The following GRIK2 variants were observed in gnomAD, a reference collection of about 807,000 sequenced individuals.
The protein encoded by GRIK2 is glutamate receptor ionotropic, kainate 2.
Under a neutral mutation model 100.3 loss-of-function variants are expected in GRIK2, and 32 were observed. The ratio of observed to expected loss-of-function variants is 0.32; its 90% CI spans 0.24 to 0.43. The LOEUF is 0.43. Ranked by LOEUF, GRIK2 falls within the 20% of genes least tolerant of loss-of-function variation. The probability of loss-of-function intolerance (pLI) is 1.00; values close to 1 mark genes in which losing one functional copy is unlikely to be tolerated. For missense variants in GRIK2, 843 were observed against 1,114.9 expected, an observed-to-expected ratio of 0.76 and a Z score of 3.47; for synonymous variants, 417 against 389.4, an observed-to-expected ratio of 1.07 and a Z score of -0.83.
At chr6:101,844,373 ATGT>A (rs1365413635) in intron 10 of GRIK2, among the ~76,000 whole-genome samples, 4 of 152,140 alleles carry the variant, frequency 2.6e-5, no homozygotes, top group African/African-American at 4.8e-5. Context: ...AGGAAATATG[ATGT>A]TTCTCAATAT....
intron 2 of GRIK2, among the ~76,000 whole-genome samples, chr6:101,606,085 C>G (rs1779425044): frequency 6.6e-6 from 1 of 151,894 alleles, no homozygotes; most frequent in Non-Finnish European, 1.5e-5. Flanking sequence ...CAGATGAGGT[C>G]TCCAACTTTG....
intron 9 of GRIK2, among the ~76,000 whole-genome samples, chr6:101,803,191 C>G (rs144784847): frequency 6.6e-6 from 1 of 151,586 alleles, no homozygotes; most frequent in Non-Finnish European, 1.5e-5. Context: ...GATAATATTG[C>G]TTTGAAGATA....
intron 12 of GRIK2, among the ~76,000 whole-genome samples, chr6:101,900,300 A>G (rs975221262): frequency 6.6e-6 from 1 of 152,024 alleles, no homozygotes; most frequent in African/African-American, 2.4e-5. Context: ...CCCCGTCTCC[A>G]CTAAAAATAT....
chr6:101,848,195 A>G (rs1783917754), intron 10 of GRIK2, among the ~76,000 whole-genome samples: 1 of 152,080 alleles, frequency 6.6e-6, no homozygotes, highest in African/African-American at 2.4e-5. Flanking sequence ...GGGTAAATTA[A>G]TATGCCACAG....
rs757786908 is a variant in GRIK2, at chr6:101,607,858, C to T, written c.116-14091C>T. 4.0e-5 allele frequency among the ~76,000 whole-genome samples: 6 copies of T among 151,600 alleles called. No individual in the cohort carries two copies. In the Admixed American group the frequency reaches 4.0e-4, roughly 10 times the overall value. On this transcript the variant is annotated intron_variant, in intron 2 of 16. Coordinates refer to ENST00000369134, the MANE Select transcript of GRIK2 (RefSeq NM_021956.5). ...CCCAAAATGAATGATTAGTTGAAGA[C>T]CCTACCTAGGGGCAGGTCATGAACT...
intron 14 of GRIK2, among the ~76,000 whole-genome samples, chr6:102,000,471 A>C (rs1418073549): frequency 6.6e-6 from 1 of 151,886 alleles, no homozygotes; most frequent in African/African-American, 2.4e-5. Context: ...CCATATTTAC[A>C]TCCAGGGGTG....
At chr6:101,762,637 G>T (rs1777801939) in intron 7 of GRIK2, among the ~76,000 whole-genome samples, 1 of 152,156 alleles carries the variant, frequency 6.6e-6, no homozygotes, top group Admixed American at 6.6e-5. Context: ...TATTCAGGGT[G>T]ACAAGACCAA....
At chr6:101,483,661 G>A (rs1400105650) in intron 2 of GRIK2, among the ~76,000 whole-genome samples, 1 of 152,118 alleles carries the variant, frequency 6.6e-6, no homozygotes, top group Non-Finnish European at 1.5e-5. Flanking sequence ...TGCAACCTCT[G>A]CCTCCCCAGT....
intron 6 of GRIK2, among the ~76,000 whole-genome samples, chr6:101,685,853 T>G (rs4839800): frequency 0.63 from 96,402 of 151,878 alleles, 32,618 homozygotes; most frequent in Non-Finnish European, 0.77. Context: ...AGCAAAATAT[T>G]AACACATAAA....
chr6:101,766,450 C>A lies in GRIK2; in HGVS notation c.952-33198C>A, dbSNP rs192276745. ...AGTAATGTTTGATATAAATGAGCACCTGTTGAAGTTCTATAGTATTCAATT... is the reference window on the plus strand; with the variant it reads ...AGTAATGTTTGATATAAATGAGCACATGTTGAAGTTCTATAGTATTCAATT... On this transcript the variant is annotated intron_variant, in intron 7 of 16. Coordinates refer to ENST00000369134, the MANE Select transcript of GRIK2 (RefSeq NM_021956.5). 3.3e-5 allele frequency among the ~76,000 whole-genome samples: 5 copies of A among 152,192 alleles called. No individual in the cohort carries two copies. In the East Asian group the frequency reaches 9.6e-4, roughly 29 times the overall value.
chr6:101,823,990 C>T (rs983017591), intron 10 of GRIK2, among the ~76,000 whole-genome samples: 2 of 151,718 alleles, frequency 1.3e-5, no homozygotes, highest in South Asian at 2.1e-4. Flanking sequence ...GCCTCAGCCT[C>T]CTGAGTAGCT....
intron 3 of GRIK2, among the ~76,000 whole-genome samples, chr6:101,623,602 A>T (rs1356868499): frequency 2.0e-5 from 3 of 152,084 alleles, no homozygotes; most frequent in Non-Finnish European, 4.4e-5. Flanking sequence ...TGAACAGCAT[A>T]AAAAAACACA....
At chr6:101,982,306 T>A (rs1045576417) in intron 14 of GRIK2, among the ~76,000 whole-genome samples, 1 of 151,964 alleles carries the variant, frequency 6.6e-6, no homozygotes, top group African/African-American at 2.4e-5. Flanking sequence ...ATTACCTGAA[T>A]GGTCTCTTCA....
chr6:102,047,972 T>C (rs1770983741), intron 15 of GRIK2, among the ~76,000 whole-genome samples: 1 of 151,172 alleles, frequency 6.6e-6, no homozygotes, highest in Admixed American at 6.6e-5. Context: ...TGCAAATCAA[T>C]AGTAATCAAA....
chr6:101,813,349 G>A (rs1583197527), intron 9 of GRIK2, among the ~76,000 whole-genome samples: 1 of 152,014 alleles, frequency 6.6e-6, no homozygotes, highest in East Asian at 1.9e-4. Context: ...GATATAATAG[G>A]TCTTCATTTA....
At chr6:101,534,703 A>G (rs1460869681) in intron 2 of GRIK2, among the ~76,000 whole-genome samples, 2 of 152,020 alleles carry the variant, frequency 1.3e-5, no homozygotes, top group South Asian at 2.1e-4. Context: ...AAATGGTAGC[A>G]TATCTTTGAG....
intron 7 of GRIK2, among the ~76,000 whole-genome samples, chr6:101,739,625 A>G (rs548408552): frequency 6.6e-6 from 1 of 152,318 alleles, no homozygotes; most frequent in Non-Finnish European, 1.5e-5. Flanking sequence ...TAATCTTTTA[A>G]AATGTTATAT....
At chr6:101,607,120 G>T (rs1490209724) in intron 2 of GRIK2, among the ~76,000 whole-genome samples, 2 of 151,950 alleles carry the variant, frequency 1.3e-5, no homozygotes, top group Non-Finnish European at 2.9e-5. Context: ...GGCAGATAAG[G>T]ATATATGTTG....
At chr6:101,805,315 A>G (rs1007785096) in intron 9 of GRIK2, among the ~76,000 whole-genome samples, 2 of 136,734 alleles carry the variant, frequency 1.5e-5, no homozygotes, top group Admixed American at 7.0e-5. Context: ...CATCACCTTA[A>G]AAAAAAAAAA....
Sources: gnomAD v4.1 joint callset for allele counts (sites outside exome capture counted in the v4.1 genomes callset) on GRCh38, gnomAD v4.1.1 for gene constraint, MANE v1.5 for transcripts, NCBI Gene and HGNC (gene_info 2026-07-23, HGNC 2026-07-21) for gene names.